Variants in PTPN13 observed in about 807,000 individuals in gnomAD.
PTPN13 encodes protein tyrosine phosphatase non-receptor type 13.
Under a neutral mutation model 284.0 loss-of-function variants are expected in PTPN13, and 191 were observed. That is an observed-to-expected ratio of 0.67 (90% CI 0.60 to 0.76). The LOEUF (loss-of-function observed/expected upper bound fraction) is 0.76. Ranked by LOEUF, PTPN13 falls within the 30% of genes least tolerant of loss-of-function variation. PTPN13 has a pLI of 0.00. For missense variants in PTPN13, 2,797 were observed against 2,939.9 expected (o/e 0.95, Z 1.12); for synonymous variants, 986 against 1,022.3 (o/e 0.96, Z 0.68).
At chr4:86,790,755 G>A (rs572547725) in intron 40 of PTPN13, among the ~76,000 whole-genome samples, 1 of 152,176 alleles carries the variant, frequency 6.6e-6, no homozygotes, top group Non-Finnish European at 1.5e-5. Context: ...AAAGTAGACA[G>A]GGGCCAGATA....
chr4:86,596,082 CTTGT>C (rs561828190), intron 1 of PTPN13, among the ~76,000 whole-genome samples: 9 of 152,266 alleles, frequency 5.9e-5, no homozygotes, highest in African/African-American at 2.2e-4. Context: ...GACGTCCAAT[CTTGT>C]TTATTATACT....
chr4:86,652,277 A>G (rs1476558827), intron 2 of PTPN13, among the ~76,000 whole-genome samples: 1 of 152,188 alleles, frequency 6.6e-6, no homozygotes, highest in Admixed American at 6.5e-5. Context: ...CTTTTAGTCT[A>G]CTAAAATATG....
intron 2 of PTPN13, among the ~76,000 whole-genome samples, chr4:86,654,813 A>G (rs937238050): frequency 3.3e-5 from 5 of 152,070 alleles, no homozygotes; most frequent in African/African-American, 4.8e-5. Flanking sequence ...TTTCTGTCTC[A>G]TTGATATGTC....
At chr4:86,696,041 A>G (rs181663372) in intron 6 of PTPN13, among the ~76,000 whole-genome samples, 52 of 152,104 alleles carry the variant, frequency 3.4e-4, no homozygotes, top group African/African-American at 1.0e-3. Flanking sequence ...ATTACTTTCA[A>G]TGGTTCAGAG....
At chr4:86,798,285 T>C (rs1743585274) in intron 41 of PTPN13, among the ~76,000 whole-genome samples, 3 of 152,134 alleles carry the variant, frequency 2.0e-5, no homozygotes, top group Admixed American at 2.0e-4. Flanking sequence ...TTCATGGATG[T>C]AGAGCTTTTT....
chr4:86,665,624 G>T lies in PTPN13; in HGVS notation c.116-6741G>T, dbSNP rs1433391306. 2.6e-5 allele frequency among the ~76,000 whole-genome samples: 4 copies of T among 152,108 alleles called. No individual in the cohort carries two copies. In the East Asian group the frequency reaches 5.8e-4, roughly 22 times the overall value. ...TAATAAATAGACTACTTACAAAAAGGATATTCCCCAAGAAATTAATTAAAG... is the reference window on the plus strand; with the variant it reads ...TAATAAATAGACTACTTACAAAAAGTATATTCCCCAAGAAATTAATTAAAG... On this transcript the variant is annotated intron_variant, in intron 2 of 47. Transcript: ENST00000411767.
chr4:86,740,945 A>G (rs1736107360), intron 15 of PTPN13, among the ~76,000 whole-genome samples: 1 of 152,196 alleles, frequency 6.6e-6, no homozygotes, highest in Non-Finnish European at 1.5e-5. Flanking sequence ...GAAAATAACA[A>G]GAGTCACCTC....
chr4:86,713,396 C>T (rs888819095), intron 7 of PTPN13, among the ~76,000 whole-genome samples: 1 of 152,082 alleles, frequency 6.6e-6, no homozygotes, highest in Admixed American at 6.6e-5. Flanking sequence ...TGTATTCATT[C>T]AATTTAAATT....
intron 2 of PTPN13, among the ~76,000 whole-genome samples, chr4:86,653,603 A>G (rs1422425064): frequency 6.6e-6 from 1 of 152,114 alleles, no homozygotes; most frequent in East Asian, 1.9e-4. Flanking sequence ...ATGATTCAAA[A>G]AGCAGAAATT....
intron 1 of PTPN13, among the ~76,000 whole-genome samples, chr4:86,621,747 G>C (rs1721273382): frequency 6.6e-6 from 1 of 152,104 alleles, no homozygotes; most frequent in South Asian, 2.1e-4. Context: ...GTCATAAGTA[G>C]TTGGGAACCC....
At position 86,689,134 on chromosome 4, in the gene PTPN13, C is replaced by T. The variant is rs532639139; in HGVS notation, c.490C>T (p.Pro164Ser). The T allele has an allele frequency of 1.2e-6, 2 of 1,613,650 alleles. No individual in the cohort carries two copies. The highest frequency in any genetic ancestry group is 1.7e-5 in the Admixed American group (1 of 60,018). ...SAHIRNSNCA[P>S]SFSYVKHLVK... ...CCACATTAGGAATAGCAATTGTGCA[C>T]CCTCATTTTCCTACGTGAAACACTT... Residue 164 changes from proline (P) to serine (S), a missense_variant, in exon 5 of 48, where the codon CCC becomes TCC. Pro to Ser is a moderately conservative substitution (Grantham distance 74). Transcript: ENST00000411767.
intron 2 of PTPN13, among the ~76,000 whole-genome samples, chr4:86,659,244 A>G (rs1726197758): frequency 6.6e-6 from 1 of 152,170 alleles, no homozygotes; most frequent in African/African-American, 2.4e-5. Context: ...TATCATTTTC[A>G]TATGTAACCA....
chr4:86,813,339 C>T (rs1745441672), intron 47 of PTPN13, among the ~76,000 whole-genome samples: 1 of 152,208 alleles, frequency 6.6e-6, no homozygotes, highest in Non-Finnish European at 1.5e-5. Flanking sequence ...CAGATCTCTG[C>T]ACCATCAACT....
chr4:86,781,969 A>G (rs958924771), intron 36 of PTPN13, among the ~76,000 whole-genome samples: 8 of 152,078 alleles, frequency 5.3e-5, no homozygotes, highest in African/African-American at 7.2e-5. Flanking sequence ...CGAAAAAAAA[A>G]AAAAAGAAAA....
intron 2 of PTPN13, among the ~76,000 whole-genome samples, chr4:86,669,285 GTATATATATATATA>G (rs34939020): frequency 1.1e-4 from 13 of 113,374 alleles, no homozygotes; most frequent in South Asian, 3.5e-4. Context: ...GGAAGAAGAT[GTATATATATATATA>G]TATATATATA....
At chr4:86,796,327 AT>A (rs1743336052) in intron 40 of PTPN13, among the ~76,000 whole-genome samples, 1 of 152,084 alleles carries the variant, frequency 6.6e-6, no homozygotes, top group Non-Finnish European at 1.5e-5. Flanking sequence ...TCCTATTAAT[AT>A]TTTTAATATA....
chr4:86,756,127 G>A (rs1737934343), intron 20 of PTPN13, among the ~76,000 whole-genome samples: 2 of 151,764 alleles, frequency 1.3e-5, no homozygotes, highest in African/African-American at 4.8e-5. Flanking sequence ...ACTTGAAGGA[G>A]GAAATGGAAA....
At chr4:86,679,283 T>A (rs1728626579) in intron 3 of PTPN13, among the ~76,000 whole-genome samples, 1 of 152,232 alleles carries the variant, frequency 6.6e-6, no homozygotes, top group African/African-American at 2.4e-5. Flanking sequence ...TTATGCTCTA[T>A]TGTTCTCTCT....
At chr4:86,781,911 C>T (rs898940621) in intron 36 of PTPN13, among the ~76,000 whole-genome samples, 14 of 149,482 alleles carry the variant, frequency 9.4e-5, no homozygotes, top group African/African-American at 2.5e-4. Context: ...TGCAGTGAGC[C>T]GAGATCGCAC....
Sources: gnomAD v4.1 joint callset for allele counts (sites outside exome capture counted in the v4.1 genomes callset) on GRCh38, gnomAD v4.1.1 for gene constraint, MANE v1.5 for transcripts, NCBI Gene and HGNC (gene_info 2026-07-23, HGNC 2026-07-21) for gene names.